TRAP1: variants seen among roughly 807,000 people sequenced by gnomAD.
TRAP1 encodes the protein TNF receptor associated protein 1.
Under a neutral mutation model 89.1 loss-of-function variants are expected in TRAP1, and 102 were observed. The ratio of observed to expected loss-of-function variants is 1.15; its 90% confidence interval spans 0.98 to 1.35. The LOEUF (loss-of-function observed/expected upper bound fraction) is 1.35. TRAP1 is among the 40% of genes most tolerant of loss of function. TRAP1 has a pLI of 0.00. For missense variants in TRAP1, 1,256 were observed against 945.3 expected, an observed-to-expected ratio of 1.33 and a Z score of -4.31; for synonymous variants, 508 against 388.0, an observed-to-expected ratio of 1.31 and a Z score of -3.64.
Position 3,663,507 on chromosome 16 carries a change from A to G in TRAP1, c.1625T>C (p.Phe542Ser), listed in dbSNP as rs2050740083. The change falls in exon 14 of 18, where the codon TTT (phenylalanine) becomes TCT (serine). Residue 542 changes from phenylalanine to serine, a missense_variant. Phe to Ser is a radical substitution (Grantham distance 155). Transcript: ENST00000246957. ...DELTLLHLRE[F>S]DKKKLISVET... ...CACAGAGATCAGCTTCTTCTTGTCA[A>G]ACTCACGAAGGTGCAGCAGGGTGAG... The G allele has an allele frequency of 6.2e-7, 1 of 1,614,064 alleles. No individual in the cohort carries two copies. Among genetic ancestry groups the G allele is most frequent in the Non-Finnish European group, 8.5e-7 (1 of 1,180,006 alleles).
At chr16:3,666,164 A>C in intron 11 of TRAP1, 46 bp from the exon 12 acceptor site, 2 of 1,579,556 alleles carry the variant, frequency 1.3e-6, no homozygotes, top group South Asian at 1.2e-5. Flanking sequence ...GCCTCTATGA[A>C]ATACAAATGG....
Position 3,675,391 on chromosome 16 carries a change from A to G in TRAP1, c.821T>C (p.Val274Ala). Reference sequence around the variant, plus strand: ...GCTGACGAAGTTGCTGTACTTCGTTACCACATCTGGAAGGGACAAAAGAAA... The same window carrying G: ...GCTGACGAAGTTGCTGTACTTCGTTGCCACATCTGGAAGGGACAAAAGAAA... ...FSSEARVRDV[V>A]TKYSNFVSFP... The change falls in exon 8 of 18, where the codon GTA becomes GCA. Residue 274 changes from valine (V) to alanine (A), a missense_variant. By Grantham distance (64) the Val-to-Ala change is moderately conservative. Transcript: ENST00000246957. 6.2e-7 allele frequency: 1 copy of G among 1,614,064 alleles called. No homozygotes were observed. The highest frequency in any genetic ancestry group is 8.5e-7 in the Non-Finnish European group (1 of 1,179,948).
At chr16:3,665,942 G>C (rs377473623) in intron 12 of TRAP1, 29 bp downstream of exon 12, 2 of 1,598,166 alleles carry the variant, frequency 1.3e-6, no homozygotes, top group Non-Finnish European at 8.5e-7. Context: ...AGGTGGCCCA[G>C]AAAAAGGCCT....
intron 13 of TRAP1, chr16:3,663,935 C>G: frequency 2.9e-6 from 1 of 350,020 alleles, no homozygotes; most frequent in South Asian, 3.9e-5. Flanking sequence ...TGGTGGTGTG[C>G]ACCTGTAGTC....
At chr16:3,662,765 A>C (rs1387455366) in intron 15 of TRAP1, 117 bp downstream of exon 15, 1 of 950,256 alleles carries the variant, frequency 1.1e-6, no homozygotes, top group Admixed American at 1.9e-5. Context: ...CCTGACACCA[A>C]GGGCTTCTGC....
At chr16:3,708,687 G>A (rs988413727) in intron 1 of TRAP1, among the ~76,000 whole-genome samples, 5 of 151,706 alleles carry the variant, frequency 3.3e-5, no homozygotes, top group Admixed American at 2.0e-4. Flanking sequence ...ATGGTGGCGC[G>A]TGCCTGTAAT....
At chr16:3,693,054 G>A (rs933995451) in intron 1 of TRAP1, among the ~76,000 whole-genome samples, 7 of 151,956 alleles carry the variant, frequency 4.6e-5, no homozygotes, top group Admixed American at 4.6e-4. Context: ...CTGGGTTCAA[G>A]CGATTCTCCT....
intron 3 of TRAP1, 138 bp downstream of exon 3, chr16:3,688,917 C>T (rs1184400251): frequency 1.5e-6 from 1 of 681,270 alleles, no homozygotes; most frequent in East Asian, 2.9e-5. Flanking sequence ...TCACTGGTAG[C>T]TTAAGATGAG....
chr16:3,658,198 A>AAGTCCAGC lies in TRAP1; in HGVS notation c.2038_2045dup (p.Val683LeufsTer14), dbSNP rs1235957758. ...CCACCATGGCCCTAGGGTCGTCAAC[A>AAGTCCAGC]AGTCCAGCAGCAATCATGGCGTTCT... is the stretch of plus-strand genomic sequence containing the variant. On this transcript the variant is annotated frameshift_variant, in exon 18 of 18. Transcript: ENST00000246957. LOFTEE classifies it high-confidence loss of function. 2.5e-6 allele frequency: 4 copies of AAGTCCAGC among 1,613,928 alleles called. No individual in the cohort carries two copies. The African/African-American group carries it at 5.3e-5, about 22-fold the overall frequency.
At chr16:3,715,504 A>G (rs190689944) in intron 1 of TRAP1, among the ~76,000 whole-genome samples, 2 of 152,324 alleles carry the variant, frequency 1.3e-5, no homozygotes, top group African/African-American at 4.8e-5. Context: ...GAAAACTGAC[A>G]TATTTTCCAA....
At chr16:3,687,863 C>CAAAAAAAAA (rs200270261) in intron 3 of TRAP1, among the ~76,000 whole-genome samples, 1 of 112,402 alleles carries the variant, frequency 8.9e-6, no homozygotes, top group Non-Finnish European at 1.8e-5. Flanking sequence ...ATTAAAAAAC[C>CAAAAAAAAA]AAAAAAAAAA....
At position 3,674,470 on chromosome 16, in the gene TRAP1, C is replaced by A; in HGVS notation, c.913G>T (p.Asp305Tyr). Residue 305 changes from aspartate to tyrosine, a missense_variant, in exon 9 of 18, where the codon GAT becomes TAT. By Grantham distance (160) the Asp-to-Tyr change is radical. Transcript: ENST00000246957. ...LQAIWMMDPK[D>Y]VREWQHEEFY... The stretch of plus-strand genomic sequence containing the variant: ...TCCTCATGTTGCCACTCACGGACAT[C>A]CTTGGGGTCCATCATCCAGATGGCC... 2 of 1,613,982 alleles carry A rather than the reference C, an allele frequency of 1.2e-6. No individual in the cohort carries two copies. The highest frequency in any genetic ancestry group is 1.7e-6 in the Non-Finnish European group (2 of 1,179,992).
rs550589573 is a variant in TRAP1 at position 3,691,782 on chromosome 16, A to T, written c.89-797T>A. ...CTTTTTCATCCAAAACAGATTTTTTAAAAAAAATTTGTGTACTTTAAAAAC... is the reference window on the plus strand; with the variant it reads ...CTTTTTCATCCAAAACAGATTTTTTTAAAAAAATTTGTGTACTTTAAAAAC... On this transcript the variant is annotated intron_variant, in intron 1 of 17. Coordinates refer to ENST00000246957, the MANE Select transcript of TRAP1 (RefSeq NM_016292.3). 4.5e-4 allele frequency among the ~76,000 whole-genome samples: 68 copies of T among 152,206 alleles called. 1 individual carries two copies. Among genetic ancestry groups the T allele is most frequent in the African/African-American group, 8.9e-4 (37 of 41,528 alleles).
chr16:3,696,826 A>C (rs1168619760), intron 1 of TRAP1, among the ~76,000 whole-genome samples: 1 of 151,782 alleles, frequency 6.6e-6, no homozygotes, highest in Non-Finnish European at 1.5e-5. Flanking sequence ...CTCCGGATTC[A>C]AGTGATCCTC....
intron 1 of TRAP1, among the ~76,000 whole-genome samples, chr16:3,695,056 ATGTC>A: frequency 6.6e-6 from 1 of 152,058 alleles, no homozygotes; most frequent in East Asian, 1.9e-4. Context: ...CCCTCTACAC[ATGTC>A]TGTCTGTTCA....
At chr16:3,667,581 C>T (rs1488493392) in intron 11 of TRAP1, among the ~76,000 whole-genome samples, 14 of 150,712 alleles carry the variant, frequency 9.3e-5, no homozygotes, top group African/African-American at 3.2e-4. Flanking sequence ...GCCAATACCT[C>T]GCCACTGCAC....
intron 2 of TRAP1, 103 bp downstream of exon 2, chr16:3,690,724 A>C: frequency 8.3e-7 from 1 of 1,203,604 alleles, no homozygotes; most frequent in Non-Finnish European, 1.1e-6. Flanking sequence ...TTCACACCTA[A>C]GGCGGTGGCT....
chr16:3,659,726 C>T (rs990358335), intron 16 of TRAP1: 1 of 150,676 alleles, frequency 6.6e-6, no homozygotes, highest in African/African-American at 2.5e-5. Flanking sequence ...TTCCTAACTG[C>T]ATCCCTTTAA....
intron 1 of TRAP1, among the ~76,000 whole-genome samples, chr16:3,708,902 G>A (rs1193246973): frequency 6.7e-6 from 1 of 149,672 alleles, no homozygotes; most frequent in Admixed American, 6.7e-5. Flanking sequence ...TGCAAGCTCC[G>A]CTTCCTGGGT....
Sources: allele counts gnomAD v4.1 joint callset (sites outside exome capture counted in the v4.1 genomes callset), GRCh38; gene constraint gnomAD v4.1.1; transcripts MANE v1.5; gene names NCBI Gene and HGNC (gene_info 2026-07-23, HGNC 2026-07-21).